The following SPMIP3 variants were observed in gnomAD, a reference collection of about 807,000 sequenced individuals.
The protein encoded by SPMIP3 is protein SPMIP3.
chr1:244,385,145 G>A, the SPMIP3 span, among the ~76,000 whole-genome samples: 5 of 152,030 alleles, frequency 3.3e-5, no homozygotes, highest in African/African-American at 4.8e-5. Flanking sequence ...CACCCGCCTC[G>A]GCTCCCCAAA....
At chr1:244,370,766 C>A in the SPMIP3 span, among the ~76,000 whole-genome samples, 1 of 152,150 alleles carries the variant, frequency 6.6e-6, no homozygotes, top group African/African-American at 2.4e-5. Flanking sequence ...CCTCGGGTGG[C>A]AGAATAGCGA....
the SPMIP3 span, among the ~76,000 whole-genome samples, chr1:244,377,598 G>A: frequency 6.6e-6 from 1 of 152,170 alleles, no homozygotes; most frequent in Non-Finnish European, 1.5e-5. Context: ...GATAAAATAT[G>A]TGCAGATTTT....
chr1:244,371,634 C>G, the SPMIP3 span, among the ~76,000 whole-genome samples: 1 of 152,228 alleles, frequency 6.6e-6, no homozygotes, highest in African/African-American at 2.4e-5. Flanking sequence ...TGAGTTTACT[C>G]ACCTGTATTC....
the SPMIP3 span, among the ~76,000 whole-genome samples, chr1:244,374,810 T>C: frequency 6.6e-6 from 1 of 151,626 alleles, no homozygotes; most frequent in East Asian, 1.9e-4. Context: ...GTTGGCCAGG[T>C]TGGTCTCGAA....
At chr1:244,357,096 A>AT in the SPMIP3 span, among the ~76,000 whole-genome samples, 1 of 151,140 alleles carries the variant, frequency 6.6e-6, no homozygotes, top group East Asian at 1.9e-4. Context: ...TAATTATTGT[A>AT]TTTTTTGTAA....
chr1:244,367,859 G>A, the SPMIP3 span, among the ~76,000 whole-genome samples: 1 of 152,198 alleles, frequency 6.6e-6, no homozygotes, highest in Non-Finnish European at 1.5e-5. Context: ...GCTGTGGGGA[G>A]ACAATCAGGA....
At chr1:244,353,179 T>C in the SPMIP3 span, among the ~76,000 whole-genome samples, 115 of 152,256 alleles carry the variant, frequency 7.6e-4, no homozygotes, top group African/African-American at 2.3e-3. Context: ...GTGAAGATCG[T>C]GGCCACCAAA....
chr1:244,357,955 G>A, the SPMIP3 span, among the ~76,000 whole-genome samples: 3 of 152,082 alleles, frequency 2.0e-5, no homozygotes, highest in Non-Finnish European at 4.4e-5. Context: ...GAGTGTGGTG[G>A]CATGCACCTG....
chr1:244,355,490 C>T, the SPMIP3 span, among the ~76,000 whole-genome samples: 7 of 152,020 alleles, frequency 4.6e-5, no homozygotes, highest in East Asian at 3.9e-4. Context: ...CGGGTTCAAG[C>T]GATTCTCCTG....
chr1:244,357,820 G>A, the SPMIP3 span, among the ~76,000 whole-genome samples: 1 of 152,110 alleles, frequency 6.6e-6, no homozygotes, highest in South Asian at 2.1e-4. Context: ...GCTCAGGCCT[G>A]TAATCCCGGC....
chr1:244,357,848 T>C, the SPMIP3 span, among the ~76,000 whole-genome samples: 1 of 150,352 alleles, frequency 6.7e-6, no homozygotes, highest in African/African-American at 2.5e-5. Flanking sequence ...GAAGCCGAGG[T>C]GGGAGGATTG....
chr1:244,384,749 G>C, the SPMIP3 span, among the ~76,000 whole-genome samples: 1 of 152,172 alleles, frequency 6.6e-6, no homozygotes, highest in Non-Finnish European at 1.5e-5. Flanking sequence ...AGATGCTTAG[G>C]TGGCAATGAT....
the SPMIP3 span, among the ~76,000 whole-genome samples, chr1:244,356,866 T>C: frequency 1.3e-5 from 2 of 151,878 alleles, no homozygotes; most frequent in African/African-American, 4.8e-5. Flanking sequence ...CTGACAGCTG[T>C]AGCAGTAGAC....
the SPMIP3 span, among the ~76,000 whole-genome samples, chr1:244,357,523 A>G: frequency 6.6e-6 from 1 of 151,908 alleles, no homozygotes; most frequent in Non-Finnish European, 1.5e-5. Context: ...AGCCTGACAA[A>G]CATGGTGAAA....
the SPMIP3 span, among the ~76,000 whole-genome samples, chr1:244,366,011 T>C: frequency 1.3e-5 from 2 of 152,040 alleles, no homozygotes. Context: ...CAGATGACAG[T>C]CCGTAAATCC....
chr1:244,372,226 C>T, the SPMIP3 span, among the ~76,000 whole-genome samples: 1 of 152,172 alleles, frequency 6.6e-6, no homozygotes, highest in Non-Finnish European at 1.5e-5. Flanking sequence ...TTATTCAGAT[C>T]ACTATTTCAG....
the SPMIP3 span, chr1:244,378,773 T>C: frequency 3.0e-6 from 3 of 989,516 alleles, no homozygotes; most frequent in African/African-American, 1.6e-5. Context: ...TATGTGTGTG[T>C]GTGTTTCTGG....
chr1:244,373,741 G>T, the SPMIP3 span, among the ~76,000 whole-genome samples: 1 of 151,678 alleles, frequency 6.6e-6, no homozygotes, highest in African/African-American at 2.4e-5. Context: ...AGCAAAAACC[G>T]CAATTACTTT....
the SPMIP3 span, chr1:244,364,825 T>C: frequency 0.77 from 1,160,078 of 1,513,460 alleles, 445,969 homozygotes; most frequent in East Asian, 0.91. Flanking sequence ...GGAGTTAGAA[T>C]TGCACATCCT....
Sources: allele counts gnomAD v4.1 joint callset (sites outside exome capture counted in the v4.1 genomes callset), GRCh38; gene constraint gnomAD v4.1.1; transcripts MANE v1.5; gene names NCBI Gene and HGNC (gene_info 2026-07-23, HGNC 2026-07-21).